Variants in GPR39 observed in about 807,000 individuals in gnomAD.
GPR39 encodes zinc sensing receptor.
Under a neutral mutation model 18.4 loss-of-function variants are expected in GPR39, and 23 were observed. The observed-to-expected ratio is 1.25, with a 90% confidence interval of 0.90 to 1.77. The LOEUF is 1.77. Among genes scored for constraint, GPR39 ranks in the 40% most tolerant of loss-of-function variants. The probability of loss-of-function intolerance (pLI) is 0.00; values close to 1 mark genes in which losing one functional copy is unlikely to be tolerated. For synonymous variants in GPR39, 280 were observed against 257.9 expected (o/e 1.09, Z -0.82); for missense variants, 647 against 602.4 (o/e 1.07, Z -0.78).
At chr2:132,466,022 A>T (rs911838771) in intron 1 of GPR39, among the ~76,000 whole-genome samples, 9 of 152,216 alleles carry the variant, frequency 5.9e-5, no homozygotes, top group South Asian at 2.1e-4. Flanking sequence ...GATTTTTTTT[A>T]AAAGCTTAAA....
intron 1 of GPR39, among the ~76,000 whole-genome samples, chr2:132,551,194 ACT>A (rs538996547): frequency 2.3e-3 from 349 of 149,654 alleles, no homozygotes; most frequent in Non-Finnish European, 3.8e-3. Context: ...TCATAAGACA[ACT>A]GCCACAGTGC....
intron 1 of GPR39, among the ~76,000 whole-genome samples, chr2:132,614,792 C>T (rs1183485789): frequency 1.9e-4 from 29 of 152,258 alleles, no homozygotes; most frequent in Non-Finnish European, 4.4e-5. Context: ...CCACCTGCCT[C>T]AGCCTCCCAA....
At chr2:132,487,431 G>A (rs1286083800) in intron 1 of GPR39, among the ~76,000 whole-genome samples, 1 of 152,154 alleles carries the variant, frequency 6.6e-6, no homozygotes, top group Non-Finnish European at 1.5e-5. Context: ...AAAATACAAT[G>A]TCTGCAAAGT....
intron 1 of GPR39, among the ~76,000 whole-genome samples, chr2:132,475,545 G>A (rs1681109889): frequency 6.6e-6 from 1 of 151,978 alleles, no homozygotes; most frequent in South Asian, 2.1e-4. Context: ...GGCCCAGAGG[G>A]TTCAAGATTC....
At chr2:132,434,576 T>G (rs2104761032) in intron 1 of GPR39, among the ~76,000 whole-genome samples, 1 of 152,246 alleles carries the variant, frequency 6.6e-6, no homozygotes, top group Middle Eastern at 3.4e-3. Flanking sequence ...GCCTCTAGAT[T>G]GGGGCCATAA....
chr2:132,627,128 G>A (rs368040037), intron 1 of GPR39, among the ~76,000 whole-genome samples: 168 of 152,020 alleles, frequency 1.1e-3, no homozygotes, highest in African/African-American at 3.6e-3. Context: ...TGCCTCTTAC[G>A]GGCCTGATCT....
rs1304518498 is a variant in GPR39 at position 132,564,796 on chromosome 2, T to TTTTTTTC, written c.857-80291_857-80285dup. 3.3e-4 allele frequency among the ~76,000 whole-genome samples: 47 copies of TTTTTTTC among 144,072 alleles called. 2 individuals are homozygous for TTTTTTTC. The highest frequency in any genetic ancestry group is 9.4e-4 in the South Asian group (4 of 4,254). The allele number at this position is 144,072 out of a possible 152,430, so 94.5% of individuals were successfully genotyped here. A position where few individuals can be genotyped will look rare whatever the true frequency, so the allele number is the denominator to read the frequency against. On this transcript the variant is annotated intron_variant, in intron 1 of 1. Coordinates refer to ENST00000329321, the MANE Select transcript of GPR39 (RefSeq NM_001508.3). ...ATCACCTAGGAAGCTTTAATAACTA[T>TTTTTTTC]TTTTTTCTTTTTTCTTTTTTTTTTT...
At chr2:132,608,779 C>T (rs1034608709) in intron 1 of GPR39, among the ~76,000 whole-genome samples, 1 of 152,154 alleles carries the variant, frequency 6.6e-6, no homozygotes, top group Non-Finnish European at 1.5e-5. Flanking sequence ...AGCCATTAGC[C>T]CCCTCCGCTG....
intron 1 of GPR39, among the ~76,000 whole-genome samples, chr2:132,607,787 C>A (rs1443883975): frequency 6.6e-6 from 1 of 152,176 alleles, no homozygotes; most frequent in East Asian, 1.9e-4. Context: ...CAATATGGCA[C>A]GTATTAAACC....
intron 1 of GPR39, among the ~76,000 whole-genome samples, chr2:132,618,873 G>A (rs893943973): frequency 3.3e-5 from 5 of 152,248 alleles, no homozygotes; most frequent in African/African-American, 7.2e-5. Flanking sequence ...GAGGGGCCAA[G>A]GGTGGACAGC....
intron 1 of GPR39, among the ~76,000 whole-genome samples, chr2:132,442,934 A>G (rs1006219126): frequency 6.6e-6 from 1 of 152,236 alleles, no homozygotes; most frequent in African/African-American, 2.4e-5. Flanking sequence ...ATGGACTGCT[A>G]TAATTAGGAA....
intron 1 of GPR39, among the ~76,000 whole-genome samples, chr2:132,630,699 G>A (rs1681634626): frequency 6.6e-6 from 1 of 152,168 alleles, no homozygotes; most frequent in African/African-American, 2.4e-5. Context: ...CCCAATCAGG[G>A]TTGTGGCAGT....
chr2:132,536,080 G>GAA (rs2104780852), intron 1 of GPR39, among the ~76,000 whole-genome samples: 1 of 148,974 alleles, frequency 6.7e-6, no homozygotes, highest in South Asian at 2.1e-4. Context: ...CTTCAGTTCT[G>GAA]GTCTGATCTT....
chr2:132,563,270 T>A, intron 1 of GPR39, among the ~76,000 whole-genome samples: 1 of 152,222 alleles, frequency 6.6e-6, no homozygotes, highest in East Asian at 1.9e-4. Flanking sequence ...CAAAGGCCTA[T>A]CAGCCACAGT....
chr2:132,624,328 G>A (rs1288074236), intron 1 of GPR39, among the ~76,000 whole-genome samples: 2 of 152,120 alleles, frequency 1.3e-5, no homozygotes, highest in African/African-American at 2.4e-5. Flanking sequence ...TACTGTAATT[G>A]CCTCGTTAAG....
At chr2:132,483,486 G>A (rs1025508861) in intron 1 of GPR39, among the ~76,000 whole-genome samples, 13 of 152,344 alleles carry the variant, frequency 8.5e-5, no homozygotes, top group Non-Finnish European at 1.6e-4. Flanking sequence ...TGCCTTCCAT[G>A]TTGTGAAAGA....
intron 1 of GPR39, among the ~76,000 whole-genome samples, chr2:132,529,756 C>G (rs1679578535): frequency 6.6e-6 from 1 of 152,168 alleles, no homozygotes; most frequent in Admixed American, 6.5e-5. Context: ...CTGGAGTGGA[C>G]CTCCAGCAAC....
intron 1 of GPR39, among the ~76,000 whole-genome samples, chr2:132,594,476 T>A (rs1262574531): frequency 6.6e-6 from 1 of 152,104 alleles, no homozygotes; most frequent in East Asian, 1.9e-4. Context: ...TCCCATCTAG[T>A]ATTTCTTTCC....
intron 1 of GPR39, among the ~76,000 whole-genome samples, chr2:132,503,224 C>T (rs553540090): frequency 1.3e-5 from 2 of 152,218 alleles, no homozygotes; most frequent in Non-Finnish European, 2.9e-5. Flanking sequence ...ATCTTGGATT[C>T]AAGGGCTGCT....
Sources: gnomAD v4.1 joint callset for allele counts (sites outside exome capture counted in the v4.1 genomes callset) on GRCh38, gnomAD v4.1.1 for gene constraint, MANE v1.5 for transcripts, NCBI Gene and HGNC (gene_info 2026-07-23, HGNC 2026-07-21) for gene names.